The following CRPPA variants were observed in gnomAD, a reference collection of about 807,000 sequenced individuals.
CRPPA encodes the protein D-ribitol-5-phosphate cytidylyltransferase.
Under a neutral mutation model 52.0 loss-of-function variants are expected in CRPPA, and 43 were observed. The ratio of observed to expected loss-of-function variants is 0.83; its 90% CI spans 0.65 to 1.07. The LOEUF (loss-of-function observed/expected upper bound fraction) is 1.07. Ranked by LOEUF, CRPPA falls within the 50% of genes least tolerant of loss-of-function variation. The pLI, the probability that CRPPA is intolerant of heterozygous loss-of-function variation, is 0.00. For missense variants in CRPPA, 629 were observed against 551.7 expected, an observed-to-expected ratio of 1.14 and a Z score of -1.40; for synonymous variants, 250 against 203.5, an observed-to-expected ratio of 1.23 and a Z score of -1.94.
chr7:16,254,820 A>AGAAC (rs1783582742), intron 8 of CRPPA, among the ~76,000 whole-genome samples: 1 of 149,126 alleles, frequency 6.7e-6, no homozygotes, highest in African/African-American at 2.4e-5. Context: ...AAAGAAAGAA[A>AGAAC]GAAAGAAAGA....
chr7:16,105,127 G>A (rs1301129338), intron 9 of CRPPA, among the ~76,000 whole-genome samples: 1 of 151,564 alleles, frequency 6.6e-6, no homozygotes, highest in Non-Finnish European at 1.5e-5. Context: ...GTGTAGAATA[G>A]GTGAGGTCAG....
intron 2 of CRPPA, among the ~76,000 whole-genome samples, chr7:16,387,079 ATATATAT>A (rs1562671656): frequency 2.1e-5 from 1 of 47,458 alleles, no homozygotes; most frequent in Non-Finnish European, 4.0e-5. Flanking sequence ...ATATATATAT[ATATATAT>A]ACACACATAT....
intron 2 of CRPPA, among the ~76,000 whole-genome samples, chr7:16,383,188 G>T (rs1404625925): frequency 6.6e-6 from 1 of 152,164 alleles, no homozygotes. Flanking sequence ...TGTCCTTTCT[G>T]TTTCTTAGTT....
At chr7:16,147,519 G>A (rs1000501268) in intron 9 of CRPPA, among the ~76,000 whole-genome samples, 1 of 152,124 alleles carries the variant, frequency 6.6e-6, no homozygotes, top group African/African-American at 2.4e-5. Context: ...TGTCATTTAT[G>A]CACTTACTTA....
intron 6 of CRPPA, among the ~76,000 whole-genome samples, chr7:16,263,326 T>C (rs1783861957): frequency 1.3e-5 from 2 of 152,200 alleles, no homozygotes; most frequent in African/African-American, 4.8e-5. Flanking sequence ...TTTTTCTCTA[T>C]TGTCACAAAT....
Position 16,164,579 on chromosome 7 carries a change from G to A in CRPPA, c.1251+51487C>T, listed in dbSNP as rs180958358. 4.3e-3 allele frequency among the ~76,000 whole-genome samples: 656 copies of A among 152,256 alleles called. 20 individuals are homozygous for A. Among genetic ancestry groups the A allele is most frequent in the Admixed American group, 0.04 (619 of 15,306 alleles). ...CGAGGAATTGTGATCCTTTGGAGGA[G>A]AAGAGGCATTCTGGTTTTCGGACTT... On this transcript the variant is annotated intron_variant, in intron 9 of 9. Coordinates refer to ENST00000407010, the MANE Select transcript of CRPPA (RefSeq NM_001101426.4).
chr7:16,234,732 G>A (rs1782897376), intron 8 of CRPPA, among the ~76,000 whole-genome samples: 1 of 151,980 alleles, frequency 6.6e-6, no homozygotes, highest in Non-Finnish European at 1.5e-5. Flanking sequence ...ATCAAGTCAT[G>A]TTCAAATGAA....
intron 8 of CRPPA, among the ~76,000 whole-genome samples, chr7:16,221,941 A>G (rs995114234): frequency 2.0e-5 from 3 of 152,032 alleles, no homozygotes; most frequent in African/African-American, 7.2e-5. Context: ...CCATCCCATT[A>G]CTGGGTACAT....
chr7:16,192,682 T>A (rs142658896), intron 9 of CRPPA, among the ~76,000 whole-genome samples: 105 of 152,280 alleles, frequency 6.9e-4, no homozygotes, highest in South Asian at 5.0e-3. Context: ...TGTTGTCGTA[T>A]GTCTGTAGAT....
At chr7:16,416,977 C>A (rs1036548488) in intron 1 of CRPPA, among the ~76,000 whole-genome samples, 1 of 152,146 alleles carries the variant, frequency 6.6e-6, no homozygotes, top group Non-Finnish European at 1.5e-5. Flanking sequence ...CAAATACCCA[C>A]ATTAAAAATG....
intron 5 of CRPPA, among the ~76,000 whole-genome samples, chr7:16,290,540 T>C (rs747886455): frequency 6.6e-6 from 1 of 151,990 alleles, no homozygotes; most frequent in Non-Finnish European, 1.5e-5. Flanking sequence ...GCCAGGAATA[T>C]ACATGGGGAA....
intron 5 of CRPPA, among the ~76,000 whole-genome samples, chr7:16,297,926 A>G (rs925624511): frequency 5.3e-5 from 8 of 152,122 alleles, no homozygotes; most frequent in Admixed American, 4.6e-4. Flanking sequence ...CATCCTATCT[A>G]TATCTCTGTA....
chr7:16,226,497 C>A (rs1782655009), intron 8 of CRPPA, among the ~76,000 whole-genome samples: 1 of 151,548 alleles, frequency 6.6e-6, no homozygotes, highest in Admixed American at 6.6e-5. Context: ...CAATGGTCGG[C>A]CAAATAAAAC....
rs142478413 is a variant in CRPPA, at chr7:16,169,504, T to C, written c.1251+46562A>G. ...CTGGTGAAGTGATTGTCCTGTTTTA[T>C]CGTTTTACAACATATTAAGTATTCA... On this transcript the variant is annotated intron_variant, in intron 9 of 9. Transcript: ENST00000407010. Among the ~76,000 whole-genome samples, 1,019 of 152,358 alleles carry C rather than the reference T, an allele frequency of 6.7e-3. 13 individuals are homozygous for C. The highest frequency in any genetic ancestry group is 0.023 in the African/African-American group (976 of 41,578).
intron 9 of CRPPA, among the ~76,000 whole-genome samples, chr7:16,215,287 C>A (rs1242976835): frequency 2.6e-5 from 4 of 152,162 alleles, no homozygotes; most frequent in Non-Finnish European, 4.4e-5. Context: ...TGTATGGTAC[C>A]TCCAAGAAAC....
intron 9 of CRPPA, among the ~76,000 whole-genome samples, chr7:16,146,213 A>T (rs1782972012): frequency 1.3e-5 from 2 of 151,982 alleles, no homozygotes; most frequent in African/African-American, 4.8e-5. Context: ...AAACCAAAAA[A>T]AAAAAACCTA....
At chr7:16,239,428 A>G (rs1783044629) in intron 8 of CRPPA, among the ~76,000 whole-genome samples, 1 of 151,952 alleles carries the variant, frequency 6.6e-6, no homozygotes, top group Non-Finnish European at 1.5e-5. Context: ...TTAGGTATTA[A>G]TTACAAAATA....
chr7:16,173,386 A>G (rs1472533286), intron 9 of CRPPA, among the ~76,000 whole-genome samples: 2 of 152,234 alleles, frequency 1.3e-5, no homozygotes, highest in Admixed American at 1.3e-4. Context: ...GAGAGAGAAT[A>G]TGACAAGTAT....
intron 6 of CRPPA, among the ~76,000 whole-genome samples, chr7:16,263,348 T>G (rs1423629200): frequency 6.6e-6 from 1 of 152,102 alleles, no homozygotes; most frequent in Admixed American, 6.5e-5. Context: ...CTGGGCTCAT[T>G]CATACCTATG....
Sources: gnomAD v4.1 joint callset for allele counts (sites outside exome capture counted in the v4.1 genomes callset) on GRCh38, gnomAD v4.1.1 for gene constraint, MANE v1.5 for transcripts, NCBI Gene and HGNC (gene_info 2026-07-23, HGNC 2026-07-21) for gene names.